Variants in GPATCH8 observed in about 807,000 individuals in gnomAD.
The protein encoded by GPATCH8 is G patch domain-containing protein 8.
In GPATCH8, 18 loss-of-function variants were observed where a neutral mutation model predicts 118.3. The ratio of observed to expected loss-of-function variants is 0.15; its 90% CI spans 0.11 to 0.23. GPATCH8 has a LOEUF of 0.23. GPATCH8 is among the 10% of genes least tolerant of loss of function. The pLI, the probability that GPATCH8 is intolerant of heterozygous loss-of-function variation, is 1.00. For missense variants in GPATCH8, 1,631 were observed against 1,873.8 expected, an observed-to-expected ratio of 0.87 and a Z score of 2.39; for synonymous variants, 659 against 684.7, an observed-to-expected ratio of 0.96 and a Z score of 0.59.
At chr17:44,430,897 C>G (rs2050286819) in intron 5 of GPATCH8, among the ~76,000 whole-genome samples, 1 of 151,228 alleles carries the variant, frequency 6.6e-6, no homozygotes, top group Non-Finnish European at 1.5e-5. Flanking sequence ...GTGACCCGCC[C>G]ACCTTGGCCT....
intron 3 of GPATCH8, among the ~76,000 whole-genome samples, chr17:44,453,931 CA>C (rs11305518): frequency 0.5 from 74,526 of 147,610 alleles, 19,961 homozygotes; most frequent in Middle Eastern, 0.63. Flanking sequence ...AGTTTAACCT[CA>C]AAAAAAAAAA....
At chr17:44,493,057 T>TTTTTTTG (rs1247802737) in intron 1 of GPATCH8, among the ~76,000 whole-genome samples, 57 of 148,600 alleles carry the variant, frequency 3.8e-4, no homozygotes, top group African/African-American at 1.4e-3. Flanking sequence ...CCATTAGGTT[T>TTTTTTTG]TTTTTTTTTT....
intron 3 of GPATCH8, among the ~76,000 whole-genome samples, chr17:44,451,864 T>C (rs1000883274): frequency 3.3e-5 from 5 of 152,170 alleles, no homozygotes; most frequent in African/African-American, 7.2e-5. Context: ...CTCACCACCA[T>C]CATATCTCTC....
At chr17:44,432,111 G>A (rs574335224) in intron 5 of GPATCH8, among the ~76,000 whole-genome samples, 9 of 143,010 alleles carry the variant, frequency 6.3e-5, no homozygotes, top group Non-Finnish European at 1.2e-4. Flanking sequence ...TATGTTTACT[G>A]TTGATAGGAA....
chr17:44,481,043 T>C (rs1968196648), intron 1 of GPATCH8, among the ~76,000 whole-genome samples: 1 of 152,126 alleles, frequency 6.6e-6, no homozygotes, highest in East Asian at 1.9e-4. Context: ...CCCGAGTAGC[T>C]GGGACTAGAG....
At chr17:44,493,800 T>C (rs147668270) in intron 1 of GPATCH8, among the ~76,000 whole-genome samples, 1 of 152,326 alleles carries the variant, frequency 6.6e-6, no homozygotes, top group East Asian at 1.9e-4. Context: ...CAAAATAATT[T>C]ATCTGGGCCT....
Position 44,399,175 on chromosome 17 carries a change from T to A in GPATCH8, c.2902A>T (p.Ser968Cys), listed in dbSNP as rs770576576. 1 of 1,611,446 alleles carries A rather than the reference T, an allele frequency of 6.2e-7. No homozygotes were observed. The highest frequency in any genetic ancestry group is 1.7e-5 in the Admixed American group (1 of 59,998). Residue 968 changes from serine (S) to cysteine (C), a missense_variant, in exon 8 of 8, where the codon AGT becomes TGT. Coordinates refer to ENST00000591680, the MANE Select transcript of GPATCH8 (RefSeq NM_001002909.4). ...GRSRSSSCSR[S>C]RSKRRSRSTT... ...CTACGGCTTCTCCGCTTGCTTCGAC[T>A]ACGACTACAACTGCTGCTGCGGCTG... is the stretch of plus-strand genomic sequence containing the variant.
At chr17:44,464,711 AAAG>A in intron 2 of GPATCH8, 167 bp from the exon 3 acceptor site, 1 of 631,302 alleles carries the variant, frequency 1.6e-6, no homozygotes, top group South Asian at 1.8e-5. Context: ...ATTAATGTAA[AAAG>A]AAAAGCTGGC....
chr17:44,435,295 C>T lies in GPATCH8; in HGVS notation c.262-144G>A, dbSNP rs948217612. 7.7e-6 allele frequency: 5 copies of T among 649,456 alleles called. No individual in the cohort carries two copies. The African/African-American group carries it at 9.1e-5, about 12-fold the overall frequency. 40.2% of individuals were successfully genotyped at this position (649,456 alleles called of 1,614,324 possible). On this transcript the variant is annotated intron_variant, in intron 4 of 7. Coordinates refer to ENST00000591680, the MANE Select transcript of GPATCH8 (RefSeq NM_001002909.4). ...TTAGCTACTGCTTGCTTTATTGTCA[C>T]CTCACAGAGAAAATCACATGCAAAA...
chr17:44,429,685 C>CACACACACACACACAA (rs1567976291), intron 5 of GPATCH8, among the ~76,000 whole-genome samples: 3 of 141,532 alleles, frequency 2.1e-5, no homozygotes, highest in Admixed American at 6.9e-5. Context: ...CACACACACA[C>CACACACACACACACAA]AAAACAACAA....
intron 3 of GPATCH8, among the ~76,000 whole-genome samples, chr17:44,452,108 T>A (rs1193709270): frequency 6.6e-6 from 1 of 151,440 alleles, no homozygotes; most frequent in African/African-American, 2.4e-5. Flanking sequence ...CCGTCTCTAA[T>A]AAAAATACAG....
rs374277972 is a variant in GPATCH8 at position 44,488,955 on chromosome 17, G to T, written c.46-14052C>A. Among the ~76,000 whole-genome samples, 8 of 151,152 alleles carry T rather than the reference G, an allele frequency of 5.3e-5. No individual in the cohort carries two copies. The East Asian group carries it at 8.1e-4, about 15-fold the overall frequency. On this transcript the variant is annotated intron_variant, in intron 1 of 7. Transcript: ENST00000591680. ...AAAAAAATTAGCTGGGCATGATGGCGGGTGCCTGTAATCAAACTGCTTGAA... is the reference window on the plus strand; with the variant it reads ...AAAAAAATTAGCTGGGCATGATGGCTGGTGCCTGTAATCAAACTGCTTGAA...
chr17:44,402,744 C>T (rs774781266), intron 7 of GPATCH8, among the ~76,000 whole-genome samples: 8 of 152,200 alleles, frequency 5.3e-5, no homozygotes, highest in Non-Finnish European at 7.3e-5. Context: ...AGCATGTCTG[C>T]CACAGAAACT....
intron 1 of GPATCH8, among the ~76,000 whole-genome samples, chr17:44,490,169 ATGATGGTG>A (rs1167219610): frequency 2.0e-5 from 3 of 152,056 alleles, no homozygotes; most frequent in Admixed American, 1.3e-4. Context: ...ATTTTTTTTA[ATGATGGTG>A]TGCACCTGTA....
chr17:44,498,548 C>T (rs1336235436), intron 1 of GPATCH8, among the ~76,000 whole-genome samples: 1 of 152,204 alleles, frequency 6.6e-6, no homozygotes, highest in Non-Finnish European at 1.5e-5. Context: ...TCTCGATCTC[C>T]TAAGAATGTA....
chr17:44,477,747 A>G (rs1445878108), intron 1 of GPATCH8, among the ~76,000 whole-genome samples: 1 of 152,124 alleles, frequency 6.6e-6, no homozygotes, highest in Non-Finnish European at 1.5e-5. Flanking sequence ...TCAGGAATGA[A>G]AAAAAGCAGT....
In GPATCH8 at chr17:44,400,597, T is replaced by C; in HGVS notation, c.1480A>G (p.Ser494Gly). Reference sequence around the variant, plus strand: ...ACCTTCTGACTATGACTTTCTAAACTCTGATCACTTACATCCCCTCCTAAG... The same window carrying C: ...ACCTTCTGACTATGACTTTCTAAACCCTGATCACTTACATCCCCTCCTAAG... ...KALGGDVSDQ[S>G]LESHSQKVSE... Residue 494 changes from serine (S) to glycine (G), a missense_variant, in exon 8 of 8, where the codon AGT becomes GGT. Transcript: ENST00000591680. 2 of 1,614,190 alleles carry C rather than the reference T, an allele frequency of 1.2e-6. No individual in the cohort carries two copies. Among genetic ancestry groups the C allele is most frequent in the Non-Finnish European group, 1.7e-6 (2 of 1,180,000 alleles).
chr17:44,404,488 G>A (rs2049146273), intron 7 of GPATCH8, among the ~76,000 whole-genome samples: 1 of 152,066 alleles, frequency 6.6e-6, no homozygotes, highest in Non-Finnish European at 1.5e-5. Flanking sequence ...CATTGTAATA[G>A]TGTCATAATT....
At position 44,395,573 on chromosome 17, in the gene GPATCH8, T is replaced by C. The variant is rs772673963; in HGVS notation, c.*1995A>G. The C allele has an allele frequency of 2.0e-5, 9 of 454,404 alleles. No homozygotes were observed. The highest frequency in any genetic ancestry group is 1.4e-4 in the South Asian group (9 of 64,478). The allele number at this position is 454,404 out of a possible 1,614,324, so 28.1% of individuals were successfully genotyped here. A position where few individuals can be genotyped will look rare whatever the true frequency, so the allele number is the denominator to read the frequency against. ...AGCAAAGAAAAATGAGTCCCTTCAC[T>C]TACACAGATGATTTCATTTTTCCAG... On this transcript the variant is annotated 3_prime_UTR_variant, in exon 8 of 8. Transcript: ENST00000591680.
Sources: gnomAD v4.1 joint callset for allele counts (sites outside exome capture counted in the v4.1 genomes callset) on GRCh38, gnomAD v4.1.1 for gene constraint, MANE v1.5 for transcripts, NCBI Gene and HGNC (gene_info 2026-07-23, HGNC 2026-07-21) for gene names.